ZNF318: variants seen among roughly 807,000 people sequenced by gnomAD.
ZNF318 encodes zinc finger protein 318, also known as endocrine regulator.
In ZNF318, 51 loss-of-function variants were observed where a neutral mutation model predicts 124.2. The ratio of observed to expected loss-of-function variants is 0.41; its 90% CI spans 0.33 to 0.52. The LOEUF is 0.52. Among genes scored for constraint, ZNF318 ranks in the 20% least tolerant of loss-of-function variants. The probability of loss-of-function intolerance (pLI) is 0.23; values close to 1 mark genes in which losing one functional copy is unlikely to be tolerated. For missense variants in ZNF318, 2,815 were observed against 2,811.2 expected, an observed-to-expected ratio of 1.00 and a Z score of -0.03; for synonymous variants, 1,090 against 1,040.7, an observed-to-expected ratio of 1.05 and a Z score of -0.91.
chr6:43,352,245 T>G, intron 5 of ZNF318, 132 bp downstream of exon 5: 2 of 674,250 alleles, frequency 3.0e-6, no homozygotes, highest in Non-Finnish European at 5.1e-6. Flanking sequence ...ATTGCAACTT[T>G]TTTGTAAGTT....
intron 1 of ZNF318, among the ~76,000 whole-genome samples, chr6:43,366,529 G>C (rs1472074297): frequency 2.6e-5 from 4 of 152,152 alleles, no homozygotes; most frequent in South Asian, 4.1e-4. Flanking sequence ...AGGCATGGTA[G>C]CTTATGCCTG....
At chr6:43,367,969 G>A (rs1021987094) in intron 1 of ZNF318, among the ~76,000 whole-genome samples, 4 of 152,192 alleles carry the variant, frequency 2.6e-5, no homozygotes, top group Non-Finnish European at 5.9e-5. Flanking sequence ...AGGTTACAGT[G>A]AGCTGAGATC....
rs1779289519 is a variant in ZNF318, at chr6:43,337,044, A to G, written c.*114T>C. ...CATGAACATTTACTTTAAGATGCTG[A>G]CTGCATCTCTTGGTGTAGGTTCCAG... is the stretch of plus-strand genomic sequence containing the variant. On this transcript the variant is annotated 3_prime_UTR_variant, in exon 10 of 10. Coordinates refer to ENST00000361428, the MANE Select transcript of ZNF318 (RefSeq NM_014345.3). 1 of 979,308 alleles carries G rather than the reference A, an allele frequency of 1.0e-6. No homozygotes were observed. Among genetic ancestry groups the G allele is most frequent in the African/African-American group, 1.6e-5 (1 of 60,942 alleles). 60.7% of individuals were successfully genotyped at this position (979,308 alleles called of 1,614,324 possible).
In ZNF318 at chr6:43,354,787, T is replaced by C. The variant is rs148163157; in HGVS notation, c.2547A>G (p.Lys849=). The change falls in exon 4 of 10, where the codon AAA becomes AAG. Residue 849 remains lysine, a synonymous_variant. Transcript: ENST00000361428. ...CAGGAATTGAGCCTCGCAGAGACTC[T>C]TTCTGCTTAGGCTTATCAGGAGTCA... The part of the protein sequence containing the change: ...PTVTPDKPKQ[K]ESLRGSIPAA... The C allele has an allele frequency of 2.1e-3, 3,417 of 1,614,212 alleles. 9 individuals are homozygous for C. Among genetic ancestry groups the C allele is most frequent in the Middle Eastern group, 3.5e-3 (21 of 6,060 alleles).
chr6:43,338,247 A>C lies in ZNF318; in HGVS notation c.5751T>G (p.Ser1917Arg). ...SPQEQGVSVVSEEGLENSAPE... is the reference protein window; with the variant it reads ...SPQEQGVSVVREEGLENSAPE... The stretch of plus-strand genomic sequence containing the variant: ...GAGCTGAATTCTCTAGCCCCTCCTC[A>C]CTAACAACTGAAACTCCTTGCTCTT... Residue 1917 changes from serine (S) to arginine (R), a missense_variant, in exon 10 of 10, where the codon AGT (serine) becomes AGG (arginine). Ser to Arg is a moderately radical substitution (Grantham distance 110, BLOSUM62 -1). Around this residue, in one of 4 missense-constraint regions of ZNF318, gnomAD observed 927 missense variants for 820.6 expected, o/e 1.13. Transcript: ENST00000361428. 1 of 1,614,124 alleles carries C rather than the reference A, an allele frequency of 6.2e-7. No individual in the cohort carries two copies. Among genetic ancestry groups the C allele is most frequent in the Non-Finnish European group, 8.5e-7 (1 of 1,180,008 alleles).
intron 2 of ZNF318, among the ~76,000 whole-genome samples, chr6:43,360,892 G>GAGACAGAAAGT (rs1779672754): frequency 6.6e-6 from 1 of 152,174 alleles, no homozygotes; most frequent in African/African-American, 2.4e-5. Context: ...CAAATCTATA[G>GAGACAGAAAGT]AGACAGAAAG....
chr6:43,353,519 C>A (rs550209516), intron 4 of ZNF318, among the ~76,000 whole-genome samples: 4 of 152,072 alleles, frequency 2.6e-5, no homozygotes, highest in African/African-American at 9.6e-5. Flanking sequence ...GGACTACAGG[C>A]GCGTGCCACC....
intron 2 of ZNF318, among the ~76,000 whole-genome samples, chr6:43,362,518 C>CTTTTTTTTTTTT: frequency 1.2e-5 from 1 of 80,896 alleles, no homozygotes; most frequent in African/African-American, 5.2e-5. Context: ...ACATACACGT[C>CTTTTTTTTTTTT]TTTTTTTTTT....
chr6:43,361,158 T>C (rs1315763752), intron 2 of ZNF318, among the ~76,000 whole-genome samples: 2 of 152,210 alleles, frequency 1.3e-5, no homozygotes, highest in African/African-American at 4.8e-5. Flanking sequence ...TCTCCATTCT[T>C]TTCTGTTGAT....
At chr6:43,358,453 A>G (rs992322966) in intron 2 of ZNF318, among the ~76,000 whole-genome samples, 15 of 143,970 alleles carry the variant, frequency 1.0e-4, no homozygotes, top group Admixed American at 9.3e-4. Flanking sequence ...TAGTAGAGAC[A>G]GGGTTTCACC....
At chr6:43,361,694 T>C (rs1779683943) in intron 2 of ZNF318, among the ~76,000 whole-genome samples, 5 of 152,196 alleles carry the variant, frequency 3.3e-5, no homozygotes. Context: ...GTTTTAGAAT[T>C]TTTCACATTA....
rs1429056971 is a variant in ZNF318, at chr6:43,337,738, C to A, written c.6260G>T (p.Gly2087Val). 1 of 1,614,146 alleles carries A rather than the reference C, an allele frequency of 6.2e-7. No individual in the cohort carries two copies. The highest frequency in any genetic ancestry group is 1.1e-5 in the South Asian group (1 of 91,080). Residue 2087 changes from glycine to valine, a missense_variant, in exon 10 of 10, where the codon GGT becomes GTT. Around this residue, in one of 4 missense-constraint regions of ZNF318, gnomAD observed 927 missense variants for 820.6 expected, o/e 1.13. Coordinates refer to ENST00000361428, the MANE Select transcript of ZNF318 (RefSeq NM_014345.3). The part of the protein sequence containing the change: ...KTLVLDFETE[G>V]ERNSPNPRSV... Reference sequence around the variant, plus strand: ...CCTGGGATTAGGTGAGTTTCGTTCACCCTCTGTCTCAAAGTCAAGCACCAA... The same window carrying A: ...CCTGGGATTAGGTGAGTTTCGTTCAACCTCTGTCTCAAAGTCAAGCACCAA...
At chr6:43,356,579 A>G (rs1177954040) in intron 3 of ZNF318, among the ~76,000 whole-genome samples, 1 of 152,170 alleles carries the variant, frequency 6.6e-6, no homozygotes, top group Non-Finnish European at 1.5e-5. Context: ...CTAAGAGGAC[A>G]GCTAAAAACT....
In ZNF318 at chr6:43,338,709, C is replaced by T; in HGVS notation, c.5289G>A (p.Glu1763=). The T allele has an allele frequency of 6.2e-7, 1 of 1,614,168 alleles. No homozygotes were observed. The highest frequency in any genetic ancestry group is 8.5e-7 in the Non-Finnish European group (1 of 1,180,030). The change falls in exon 10 of 10, where the codon GAG becomes GAA. Residue 1763 remains glutamate (E), a synonymous_variant. Coordinates refer to ENST00000361428, the MANE Select transcript of ZNF318 (RefSeq NM_014345.3). ...CTCTACAATCCTCAGATTTACGGAGCTCTTGGCTTTCCTTATCCTGGTTAA... is the reference window on the plus strand; with the variant it reads ...CTCTACAATCCTCAGATTTACGGAGTTCTTGGCTTTCCTTATCCTGGTTAA... ...ESVNQDKESQ[E]LRKSEDCRES... is the part of the protein sequence containing the mutation.
chr6:43,337,664 T>C lies in ZNF318; in HGVS notation c.6334A>G (p.Asn2112Asp). Residue 2112 changes from asparagine (N) to aspartate (D), a missense_variant, in exon 10 of 10, where the codon AAT becomes GAT. Physicochemically the swap from Asn to Asp is conservative, Grantham distance 23. Coordinates refer to ENST00000361428, the MANE Select transcript of ZNF318 (RefSeq NM_014345.3). Reference sequence around the variant, plus strand: ...AGGCCCCCCAAGCCACGGTCAACATTTTCTGTAAGTCCAGTTTTCAAAATG... The same window carrying C: ...AGGCCCCCCAAGCCACGGTCAACATCTTCTGTAAGTCCAGTTTTCAAAATG... ...PNILKTGLTE[N>D]VDRGLGGLEG... 1.9e-6 allele frequency: 3 copies of C among 1,614,140 alleles called. No individual in the cohort carries two copies. The South Asian group carries it at 3.3e-5, about 18-fold the overall frequency.
chr6:43,354,599 A>G (rs944731912), intron 4 of ZNF318, 65 bp downstream of exon 4: 20 of 1,479,552 alleles, frequency 1.4e-5, no homozygotes, highest in Non-Finnish European at 1.8e-5. Flanking sequence ...CCCTTCTAAA[A>G]AACATATACA....
chr6:43,336,955 T>G lies in ZNF318; in HGVS notation c.*203A>C. The G allele has an allele frequency of 8.4e-6, 3 of 358,888 alleles. No individual in the cohort carries two copies. The highest frequency in any genetic ancestry group is 1.5e-5 in the Non-Finnish European group (3 of 203,198). 22.2% of individuals were successfully genotyped at this position (358,888 alleles called of 1,614,324 possible). A position where few individuals can be genotyped will look rare whatever the true frequency, so the allele number is the denominator to read the frequency against. The stretch of plus-strand genomic sequence containing the variant: ...GATATATATATATATATATAAGTTG[T>G]TATCGATTTGTCTGGTGTTTTAAGG... On this transcript the variant is annotated 3_prime_UTR_variant, in exon 10 of 10. Transcript: ENST00000361428.
At chr6:43,364,924 T>C (rs1310234627) in intron 2 of ZNF318, among the ~76,000 whole-genome samples, 1 of 152,228 alleles carries the variant, frequency 6.6e-6, no homozygotes. Flanking sequence ...AGACTTCCCA[T>C]TTTGTCCAGA....
chr6:43,337,642 C>T lies in ZNF318; in HGVS notation c.6356G>A (p.Gly2119Asp), dbSNP rs147797523. ...LTENVDRGLG[G>D]LEGTHQALDL... is the part of the protein sequence containing the mutation. ...AAGGGCCTGGTGTGTTCCCTCTAGGCCCCCCAAGCCACGGTCAACATTTTC... is the reference window on the plus strand; with the variant it reads ...AAGGGCCTGGTGTGTTCCCTCTAGGTCCCCCAAGCCACGGTCAACATTTTC... Residue 2119 changes from glycine (G) to aspartate (D), a missense_variant, in exon 10 of 10, where the codon GGC becomes GAC. Transcript: ENST00000361428. 1,365 of 1,614,086 alleles carry T rather than the reference C, an allele frequency of 8.5e-4. 6 individuals are homozygous for T. The highest frequency in any genetic ancestry group is 4.3e-3 in the South Asian group (388 of 91,082).
Sources: allele counts gnomAD v4.1 joint callset (sites outside exome capture counted in the v4.1 genomes callset), GRCh38; gene constraint gnomAD v4.1.1; regional missense constraint gnomAD v4.1.1; transcripts MANE v1.5; gene names NCBI Gene and HGNC (gene_info 2026-07-23, HGNC 2026-07-21).